The following GNG2 variants were observed in gnomAD, a reference collection of about 807,000 sequenced individuals.
The protein encoded by GNG2 is G protein subunit gamma 2.
GNG2 carries 5 observed loss-of-function variants against 5.5 expected under a neutral mutation model. That is an observed-to-expected ratio of 0.91 (90% CI 0.48 to 1.92). The LOEUF (loss-of-function observed/expected upper bound fraction) is 1.92. Among genes scored for constraint, GNG2 ranks in the 30% most tolerant of loss-of-function variants. The pLI is 0.01. For missense variants in GNG2, 55 were observed against 88.4 expected (o/e 0.62, Z 1.52); for synonymous variants, 28 against 32.0 (o/e 0.88, Z 0.42).
chr14:51,897,745 G>C (rs552735185), intron 2 of GNG2, among the ~76,000 whole-genome samples: 1 of 152,220 alleles, frequency 6.6e-6, no homozygotes, highest in African/African-American at 2.4e-5. Flanking sequence ...GTGAACTTAC[G>C]TGATGGCCAA....
chr14:51,910,318 G>A (rs538166551), intron 2 of GNG2, among the ~76,000 whole-genome samples: 3 of 152,166 alleles, frequency 2.0e-5, no homozygotes, highest in Non-Finnish European at 4.4e-5. Context: ...CAGGAAAGAG[G>A]GGGGCTAGCT....
intron 2 of GNG2, among the ~76,000 whole-genome samples, chr14:51,853,786 C>G (rs1484371079): frequency 6.6e-6 from 1 of 152,092 alleles, no homozygotes; most frequent in Non-Finnish European, 1.5e-5. Context: ...ACTATTTTTC[C>G]AAGGCTTTGT....
chr14:51,895,044 G>GGA (rs1555352380), intron 2 of GNG2, among the ~76,000 whole-genome samples: 2 of 148,392 alleles, frequency 1.3e-5, no homozygotes, highest in Non-Finnish European at 3.0e-5. Flanking sequence ...AAAAGAATAG[G>GGA]AAAAAAAAAA....
intron 1 of GNG2, among the ~76,000 whole-genome samples, chr14:51,876,067 A>C (rs1187242449): frequency 1.3e-5 from 2 of 151,864 alleles, no homozygotes; most frequent in Non-Finnish European, 2.9e-5. Flanking sequence ...CCTTCCAAGT[A>C]GATGGGACCA....
chr14:51,841,997 A>G (rs969234812), intron 2 of GNG2, among the ~76,000 whole-genome samples: 5 of 152,240 alleles, frequency 3.3e-5, no homozygotes, highest in Non-Finnish European at 7.3e-5. Context: ...ATTCTGTCTA[A>G]TGAAGTTTCT....
At chr14:51,933,625 C>T (rs750571494) in intron 2 of GNG2, among the ~76,000 whole-genome samples, 19 of 152,040 alleles carry the variant, frequency 1.2e-4, no homozygotes, top group Non-Finnish European at 2.2e-4. Context: ...CTGCAAGAAT[C>T]GAGTCCTTTG....
At chr14:51,922,131 T>C (rs1433474572) in intron 2 of GNG2, among the ~76,000 whole-genome samples, 4 of 152,216 alleles carry the variant, frequency 2.6e-5, no homozygotes, top group African/African-American at 9.6e-5. Flanking sequence ...TGTAATCTTC[T>C]GACAGCTAAA....
chr14:51,920,851 G>T (rs967892805), intron 2 of GNG2, among the ~76,000 whole-genome samples: 2 of 152,176 alleles, frequency 1.3e-5, no homozygotes, highest in African/African-American at 4.8e-5. Context: ...AACTGTTGGG[G>T]CCATGGAAAC....
In GNG2 at chr14:51,861,967, A is replaced by T. The variant is rs77776508; in HGVS notation, c.-71+1177A>T. Among the ~76,000 whole-genome samples, 1,179 of 152,326 alleles carry T rather than the reference A, an allele frequency of 7.7e-3. 15 individuals are homozygous for T. The highest frequency in any genetic ancestry group is 0.027 in the African/African-American group (1,136 of 41,566). On this transcript the variant is annotated intron_variant, in intron 1 of 3. Coordinates refer to ENST00000556766, the MANE Select transcript of GNG2 (RefSeq NM_053064.5). ...CTGCTTATAGTGGAGTAAAAATTTA[A>T]AAAAAGTCAATATTTTGACACTCAC... is the stretch of plus-strand genomic sequence containing the variant.
chr14:51,954,959 G>A (rs187482078), intron 3 of GNG2, among the ~76,000 whole-genome samples: 1 of 152,264 alleles, frequency 6.6e-6, no homozygotes, highest in Admixed American at 6.5e-5. Context: ...TACAGACATA[G>A]CCCCTAGGAA....
chr14:51,878,223 G>T (rs1222290760), intron 2 of GNG2, among the ~76,000 whole-genome samples: 1 of 152,146 alleles, frequency 6.6e-6, no homozygotes, highest in Non-Finnish European at 1.5e-5. Context: ...TCCTAGACAG[G>T]TGATAACGTG....
chr14:51,855,030 C>T (rs150617687), intron 2 of GNG2, among the ~76,000 whole-genome samples: 285 of 152,240 alleles, frequency 1.9e-3, no homozygotes, highest in African/African-American at 6.4e-3. Flanking sequence ...TTTGTTTTCT[C>T]GTGAGGGGTT....
intron 1 of GNG2, among the ~76,000 whole-genome samples, chr14:51,862,962 C>A: frequency 6.8e-6 from 1 of 147,548 alleles, no homozygotes; most frequent in African/African-American, 2.5e-5. Context: ...AGGAGTAGAC[C>A]AACACAGAAA....
intron 2 of GNG2, among the ~76,000 whole-genome samples, chr14:51,841,948 C>G (rs1881496075): frequency 6.6e-6 from 1 of 152,128 alleles, no homozygotes; most frequent in African/African-American, 2.4e-5. Flanking sequence ...CACAGCTACC[C>G]AGAAAATCCC....
intron 2 of GNG2, among the ~76,000 whole-genome samples, chr14:51,852,722 G>A (rs1881965102): frequency 6.6e-6 from 1 of 152,206 alleles, no homozygotes; most frequent in Admixed American, 6.5e-5. Context: ...AATCATACAA[G>A]TAATACTTAA....
At chr14:51,943,910 A>T (rs1888495431) in intron 2 of GNG2, among the ~76,000 whole-genome samples, 1 of 152,240 alleles carries the variant, frequency 6.6e-6, no homozygotes, top group Admixed American at 6.5e-5. Flanking sequence ...CAAAATCCCA[A>T]TAATATTTTT....
chr14:51,867,227 G>A (rs1325799596), intron 1 of GNG2, among the ~76,000 whole-genome samples: 2 of 152,030 alleles, frequency 1.3e-5, no homozygotes. Flanking sequence ...ATCAAATTCT[G>A]TCCTGTGATT....
At chr14:51,893,137 G>A (rs1268913061) in intron 2 of GNG2, among the ~76,000 whole-genome samples, 1 of 152,090 alleles carries the variant, frequency 6.6e-6, no homozygotes, top group Non-Finnish European at 1.5e-5. Flanking sequence ...CCAAACAGGG[G>A]GATTGTTGAG....
At chr14:51,909,419 C>T (rs1886155053) in intron 2 of GNG2, among the ~76,000 whole-genome samples, 1 of 152,208 alleles carries the variant, frequency 6.6e-6, no homozygotes, top group African/African-American at 2.4e-5. Flanking sequence ...TACCTAATTA[C>T]ACTCTTTCCA....
Sources: allele counts gnomAD v4.1 joint callset (sites outside exome capture counted in the v4.1 genomes callset), GRCh38; gene constraint gnomAD v4.1.1; transcripts MANE v1.5; gene names NCBI Gene and HGNC (gene_info 2026-07-23, HGNC 2026-07-21).